SCFD1: variants seen among roughly 807,000 people sequenced by gnomAD.
SCFD1 encodes the protein sec1 family domain-containing protein 1.
In SCFD1, 37 loss-of-function variants were observed where a neutral mutation model predicts 103.2. The observed-to-expected ratio is 0.36, with a 90% CI of 0.28 to 0.47. The LOEUF (loss-of-function observed/expected upper bound fraction) is 0.47, where lower values mean the gene tolerates loss of function less well. Among genes scored for constraint, SCFD1 ranks in the 20% least tolerant of loss-of-function variants. The pLI is 1.00. For missense variants in SCFD1, 639 were observed against 761.2 expected (o/e 0.84, Z 1.89); for synonymous variants, 264 against 245.0 (o/e 1.08, Z -0.73).
chr14:30,710,381 G>A (rs1202901483), intron 19 of SCFD1, among the ~76,000 whole-genome samples: 1 of 143,236 alleles, frequency 7.0e-6, no homozygotes, highest in Non-Finnish European at 1.5e-5. Flanking sequence ...AATAGGTATT[G>A]ACAGGGGGTA....
chr14:30,655,538 G>T (rs61976712), intron 10 of SCFD1, among the ~76,000 whole-genome samples: 31,252 of 152,058 alleles, frequency 0.21, 3,706 homozygotes, highest in East Asian at 0.46. Context: ...ACTGAAAATG[G>T]ACTCCTTGGG....
chr14:30,646,804 A>G (rs551053474), intron 7 of SCFD1, among the ~76,000 whole-genome samples: 1 of 152,210 alleles, frequency 6.6e-6, no homozygotes, highest in African/African-American at 2.4e-5. Flanking sequence ...GGAATTTGTT[A>G]TTCCAGAACT....
At chr14:30,624,107 T>C (rs1399926618) in intron 1 of SCFD1, among the ~76,000 whole-genome samples, 1 of 152,210 alleles carries the variant, frequency 6.6e-6, no homozygotes, top group East Asian at 1.9e-4. Context: ...AAATCTTTAT[T>C]GGTCTCCTGA....
intron 19 of SCFD1, chr14:30,715,670 A>T (rs1161832006): frequency 3.4e-6 from 1 of 295,208 alleles, no homozygotes; most frequent in Non-Finnish European, 6.2e-6. Flanking sequence ...CCAAACATGT[A>T]TTTGTACTAA....
At chr14:30,671,675 G>A (rs1413078607) in intron 11 of SCFD1, among the ~76,000 whole-genome samples, 1 of 152,066 alleles carries the variant, frequency 6.6e-6, no homozygotes, top group Non-Finnish European at 1.5e-5. Context: ...AAGACACTTG[G>A]AGATAGCATA....
chr14:30,678,117 C>T (rs916084193), intron 14 of SCFD1, among the ~76,000 whole-genome samples: 5 of 152,068 alleles, frequency 3.3e-5, no homozygotes, highest in African/African-American at 7.2e-5. Flanking sequence ...GGATTACAGG[C>T]GTGAGCCACC....
In SCFD1 at chr14:30,711,998, G is replaced by A. The variant is rs143833324; in HGVS notation, c.1630-3926G>A. Among the ~76,000 whole-genome samples the A allele has an allele frequency of 1.4e-3, 212 of 152,102 alleles. 1 individual carries two copies. Among genetic ancestry groups the A allele is most frequent in the African/African-American group, 4.4e-3 (182 of 41,526 alleles). Reference sequence around the variant, plus strand: ...TCATTTTCTTTATTGCCATGAACACGAGATGATTTTTAAACTCATCTGTAA... The same window carrying A: ...TCATTTTCTTTATTGCCATGAACACAAGATGATTTTTAAACTCATCTGTAA... On this transcript the variant is annotated intron_variant, in intron 19 of 24. Coordinates refer to ENST00000458591, the MANE Select transcript of SCFD1 (RefSeq NM_016106.4).
intron 11 of SCFD1, among the ~76,000 whole-genome samples, chr14:30,671,139 T>G (rs928825347): frequency 1.3e-5 from 2 of 152,192 alleles, no homozygotes; most frequent in Non-Finnish European, 2.9e-5. Flanking sequence ...TTATATTTAT[T>G]GTTTAAAGAG....
chr14:30,655,527 T>C (rs936611626), intron 10 of SCFD1, among the ~76,000 whole-genome samples: 1 of 152,216 alleles, frequency 6.6e-6, no homozygotes, highest in African/African-American at 2.4e-5. Flanking sequence ...CTAGCTGTTA[T>C]ACTGAAAATG....
Position 30,673,296 on chromosome 14 carries a change from A to G in SCFD1, c.1035A>G (p.Leu345=). 4 of 1,599,566 alleles carry G rather than the reference A, an allele frequency of 2.5e-6. No individual in the cohort carries two copies. Among genetic ancestry groups the G allele is most frequent in the Non-Finnish European group, 1.7e-6 (2 of 1,171,140 alleles). ...PEVAESVQQE[L]ESYRAQEDEV... ...TTGCAGAATCAGTTCAGCAAGAACT[A>G]GAATCTTACAGAGCACAGGAAGATG... The change falls in exon 12 of 25, where the codon CTA becomes CTG. Residue 345 remains leucine, a synonymous_variant. Transcript: ENST00000458591.
intron 4 of SCFD1, among the ~76,000 whole-genome samples, chr14:30,637,207 C>G (rs1217682163): frequency 1.3e-5 from 2 of 152,044 alleles, no homozygotes; most frequent in East Asian, 3.9e-4. Flanking sequence ...CTCTCTTCCC[C>G]TCACCTATCC....
chr14:30,689,822 T>C (rs1414874223), intron 14 of SCFD1, among the ~76,000 whole-genome samples: 3 of 140,494 alleles, frequency 2.1e-5, no homozygotes, highest in Admixed American at 7.4e-5. Flanking sequence ...GTCAAAATCA[T>C]TCTCCATCCA....
chr14:30,710,332 T>TA (rs397853428), intron 19 of SCFD1, among the ~76,000 whole-genome samples: 17,316 of 81,804 alleles, frequency 0.21, 2,759 homozygotes, highest in East Asian at 0.44. Context: ...GCCATGTCAT[T>TA]AAAAAAAAAA....
At chr14:30,704,081 A>G (rs988852273) in intron 17 of SCFD1, among the ~76,000 whole-genome samples, 2 of 151,492 alleles carry the variant, frequency 1.3e-5, no homozygotes, top group Non-Finnish European at 2.9e-5. Context: ...TTGGACTGCA[A>G]CCTGACAAGA....
chr14:30,643,612 T>C (rs73251169), intron 7 of SCFD1, among the ~76,000 whole-genome samples: 2,534 of 152,336 alleles, frequency 0.017, 93 homozygotes, highest in African/African-American at 0.057. Context: ...ATCTATTGAG[T>C]TGTCATTTTA....
At chr14:30,662,687 T>C (rs1378345363) in intron 10 of SCFD1, among the ~76,000 whole-genome samples, 1 of 152,248 alleles carries the variant, frequency 6.6e-6, no homozygotes, top group East Asian at 1.9e-4. Context: ...AAGATATTTT[T>C]ATTTTACTTT....
In SCFD1 at chr14:30,674,996, ACTCCT is replaced by A; in HGVS notation, c.1174_1178del (p.Leu392Ter). On this transcript the variant is annotated frameshift_variant, in exon 14 of 25. Transcript: ENST00000458591. LOFTEE classifies it high-confidence loss of function. The stretch of plus-strand genomic sequence containing the variant: ...TTGATACTTGCAGTTCTTTGCCAGA[ACTCCT>A]TGAGAAAAAAAGACTTATTGATCTC... 1 of 1,577,604 alleles carries A rather than the reference ACTCCT, an allele frequency of 6.3e-7. No individual in the cohort carries two copies. The highest frequency in any genetic ancestry group is 8.6e-7 in the Non-Finnish European group (1 of 1,163,312).
At chr14:30,645,702 G>T (rs183327790) in intron 7 of SCFD1, among the ~76,000 whole-genome samples, 2 of 152,242 alleles carry the variant, frequency 1.3e-5, no homozygotes, top group African/African-American at 4.8e-5. Flanking sequence ...TACTGAAGCT[G>T]CTTATTAGTT....
chr14:30,649,126 G>A (rs960022674), intron 7 of SCFD1, among the ~76,000 whole-genome samples: 1 of 152,018 alleles, frequency 6.6e-6, no homozygotes, highest in African/African-American at 2.4e-5. Context: ...TTTATTAATG[G>A]GAAGGTTCAT....
Sources: gnomAD v4.1 joint callset for allele counts (sites outside exome capture counted in the v4.1 genomes callset) on GRCh38, gnomAD v4.1.1 for gene constraint, MANE v1.5 for transcripts, NCBI Gene and HGNC (gene_info 2026-07-23, HGNC 2026-07-21) for gene names.